The following SLC43A2 variants were observed in gnomAD, a reference collection of about 807,000 sequenced individuals.
The protein encoded by SLC43A2 is solute carrier family 43 member 2.
Under a neutral mutation model 63.2 loss-of-function variants are expected in SLC43A2, and 38 were observed. The observed-to-expected ratio is 0.60, with a 90% CI of 0.46 to 0.79. The LOEUF is 0.79. SLC43A2 is among the 30% of genes least tolerant of loss of function. SLC43A2 has a pLI of 0.00. For synonymous variants in SLC43A2, 322 were observed against 331.0 expected (o/e 0.97, Z 0.30); for missense variants, 644 against 756.2 (o/e 0.85, Z 1.74).
intron 2 of SLC43A2, among the ~76,000 whole-genome samples, chr17:1,624,721 T>C (rs1165327154): frequency 6.6e-6 from 1 of 152,010 alleles, no homozygotes; most frequent in African/African-American, 2.4e-5. Flanking sequence ...CGAGACCCTG[T>C]CTCTACAAAA....
chr17:1,620,429 C>T (rs924702241), intron 2 of SLC43A2, among the ~76,000 whole-genome samples: 9 of 152,158 alleles, frequency 5.9e-5, no homozygotes, highest in African/African-American at 2.2e-4. Context: ...ACCCCTTTAA[C>T]CACATAGGGA....
At position 1,583,184 on chromosome 17, in the gene SLC43A2, C is replaced by T; in HGVS notation, c.1350+20G>A. 1 of 1,611,218 alleles carries T rather than the reference C, an allele frequency of 6.2e-7. No homozygotes were observed. Among genetic ancestry groups the T allele is most frequent in the Non-Finnish European group, 8.5e-7 (1 of 1,177,588 alleles). On this transcript the variant is annotated intron_variant, in intron 11 of 13. Coordinates refer to ENST00000301335, the MANE Select transcript of SLC43A2 (RefSeq NM_152346.3). The surrounding 1 kb of genome is among the most constrained non-coding windows in gnomAD (Gnocchi z 5.5). ...TGACTGCCCCACCTCCCACCTGCCC[C>T]TCCCACTCCCCACACCCACCTGGAG...
chr17:1,577,368 C>T lies in SLC43A2; in HGVS notation c.1425-648G>A, dbSNP rs1437724842. Among the ~76,000 whole-genome samples, 1 of 152,292 alleles carries T rather than the reference C, an allele frequency of 6.6e-6. No homozygotes were observed. Among genetic ancestry groups the T allele is most frequent in the East Asian group, 1.9e-4 (1 of 5,176 alleles). On this transcript the variant is annotated intron_variant, in intron 12 of 13. Transcript: ENST00000301335. The surrounding 1 kb of genome is among the most constrained non-coding windows in gnomAD (Gnocchi z 4.9). ...GCTGGGCTTGGCTCTGCAGTGCCCTCGTCCAGAGAAGCATTGAGTAATCGC... is the reference window on the plus strand; with the variant it reads ...GCTGGGCTTGGCTCTGCAGTGCCCTTGTCCAGAGAAGCATTGAGTAATCGC...
intron 9 of SLC43A2, chr17:1,587,099 G>GCACCGCGTTTCCCA: frequency 9.7e-7 from 1 of 1,030,944 alleles, no homozygotes; most frequent in Non-Finnish European, 1.4e-6. Flanking sequence ...TGCGTTTCCC[G>GCACCGCGTTTCCCA]CACTGCATTT....
Position 1,572,854 on chromosome 17 carries a change from A to C in SLC43A2, c.*2750T>G, listed in dbSNP as rs1476417102. ...GGGACTGGGCACTGCTGGGGACAGC[A>C]CGGGCCACGTCTTCCCCATCTCAAG... On this transcript the variant is annotated 3_prime_UTR_variant, in exon 14 of 14. Transcript: ENST00000301335. 1 of 152,230 alleles carries C rather than the reference A, an allele frequency of 6.6e-6. No individual in the cohort carries two copies. The highest frequency in any genetic ancestry group is 1.5e-5 in the Non-Finnish European group (1 of 68,088). 9.4% of individuals were successfully genotyped at this position (152,230 alleles called of 1,614,324 possible).
chr17:1,604,582 C>G lies in SLC43A2; in HGVS notation c.501+8613G>C, dbSNP rs375103838. ...GTGTAGACATCTCATCAACACAGCA[C>G]GCTATTGTGCAGAACTCCTGGGCTC... On this transcript the variant is annotated intron_variant, in intron 5 of 13. Coordinates refer to ENST00000301335, the MANE Select transcript of SLC43A2 (RefSeq NM_152346.3). 1,022 of 727,734 alleles carry G rather than the reference C, an allele frequency of 1.4e-3. 2 individuals carry two copies. Among genetic ancestry groups the G allele is most frequent in the Non-Finnish European group, 2.1e-3 (907 of 440,670 alleles). The allele number at this position is 727,734 out of a possible 1,614,324, so 45.1% of individuals were successfully genotyped here. A position where few individuals can be genotyped will look rare whatever the true frequency, so the allele number is the denominator to read the frequency against.
chr17:1,627,582 C>T lies in SLC43A2; in HGVS notation c.160+133G>A, dbSNP rs1908769845. 3 of 880,788 alleles carry T rather than the reference C, an allele frequency of 3.4e-6. No homozygotes were observed. In the South Asian group the frequency reaches 5.9e-5, roughly 17 times the overall value. The allele number at this position is 880,788 out of a possible 1,614,324, so 54.6% of individuals were successfully genotyped here. On this transcript the variant is annotated intron_variant, in intron 2 of 13. Coordinates refer to ENST00000301335, the MANE Select transcript of SLC43A2 (RefSeq NM_152346.3). ...GTACCCGGCAGGGCTGGGTGAGGAT[C>T]AGATGGGCCTTCTGATACCCTAGAG...
Position 1,573,539 on chromosome 17 carries a change from A to T in SLC43A2, c.*2065T>A, listed in dbSNP as rs759869673. 1 of 152,250 alleles carries T rather than the reference A, an allele frequency of 6.6e-6. No individual in the cohort carries two copies. Among genetic ancestry groups the T allele is most frequent in the East Asian group, 1.9e-4 (1 of 5,202 alleles). The allele number at this position is 152,250 out of a possible 1,614,324, so 9.4% of individuals were successfully genotyped here. ...AACTCAGCCTTTCCCAAACTTGACTATAATACTTTCTTGAAAATCAGAATA... is the reference window on the plus strand; with the variant it reads ...AACTCAGCCTTTCCCAAACTTGACTTTAATACTTTCTTGAAAATCAGAATA... On this transcript the variant is annotated 3_prime_UTR_variant, in exon 14 of 14. Transcript: ENST00000301335.
intron 2 of SLC43A2, among the ~76,000 whole-genome samples, chr17:1,627,354 C>T (rs988728562): frequency 6.6e-6 from 1 of 152,158 alleles, no homozygotes; most frequent in Admixed American, 6.5e-5. Flanking sequence ...AAGCAGACAG[C>T]AACATGTTTA....
At chr17:1,581,051 T>G (rs770552687) in intron 11 of SLC43A2, among the ~76,000 whole-genome samples, 2 of 152,010 alleles carry the variant, frequency 1.3e-5, no homozygotes, top group Non-Finnish European at 2.9e-5. Context: ...TTAAGAGCCA[T>G]CCTCTTGGCC....
intron 5 of SLC43A2, among the ~76,000 whole-genome samples, chr17:1,610,515 C>T (rs1054261441): frequency 4.0e-5 from 6 of 150,024 alleles, no homozygotes; most frequent in Admixed American, 1.3e-4. Flanking sequence ...ATGATCCTCC[C>T]ACCTTAGCCT....
intron 2 of SLC43A2, among the ~76,000 whole-genome samples, chr17:1,617,507 C>T (rs1267543654): frequency 6.6e-6 from 1 of 152,158 alleles, no homozygotes. Context: ...TCTCCTGCCT[C>T]AGCCTCCCGA....
At position 1,591,428 on chromosome 17, in the gene SLC43A2, T is replaced by C. The variant is rs745563961; in HGVS notation, c.772A>G (p.Thr258Ala). ...ACCTGCTTGTAGAACTGCTTCCCTG[T>C]GATCTTGTGGTCAAAGCCCAGCCAG... ...FSWLGFDHKITGKQFYKQVTT... is the reference protein window; with the variant it reads ...FSWLGFDHKIAGKQFYKQVTT... The change falls in exon 8 of 14, where the codon ACA becomes GCA. Residue 258 changes from threonine (T) to alanine (A), a missense_variant. Thr to Ala is a moderately conservative substitution (Grantham distance 58, BLOSUM62 0). Around this residue, in one of 3 missense-constraint regions of SLC43A2, gnomAD observed 528 missense variants for 623.6 expected, o/e 0.85. Transcript: ENST00000301335. 5 of 1,613,272 alleles carry C rather than the reference T, an allele frequency of 3.1e-6. No individual in the cohort carries two copies. The highest frequency in any genetic ancestry group is 4.2e-6 in the Non-Finnish European group (5 of 1,179,936).
At chr17:1,626,172 CTTT>C (rs35737749) in intron 2 of SLC43A2, among the ~76,000 whole-genome samples, 3 of 134,550 alleles carry the variant, frequency 2.2e-5, no homozygotes, top group Admixed American at 7.6e-5. Flanking sequence ...TTTTTTTCTG[CTTT>C]TTTTTTTTTT....
At chr17:1,610,415 A>G (rs927305948) in intron 5 of SLC43A2, among the ~76,000 whole-genome samples, 3 of 145,096 alleles carry the variant, frequency 2.1e-5, no homozygotes, top group Non-Finnish European at 4.5e-5. Context: ...AGCAACTGCC[A>G]CCATGCCCTG....
rs2075828993 is a variant in SLC43A2, at chr17:1,570,369, T to C, written c.*5235A>G. 6.6e-6 allele frequency: 1 copy of C among 152,074 alleles called. No homozygotes were observed. Among genetic ancestry groups the C allele is most frequent in the Non-Finnish European group, 1.5e-5 (1 of 68,074 alleles). The allele number at this position is 152,074 out of a possible 1,614,324, so 9.4% of individuals were successfully genotyped here. The stretch of plus-strand genomic sequence containing the variant: ...TACTTTCTTGACTTGGCCACAAGTC[T>C]GTCCTGCTCAGAGCTGCTGAAAGTG... On this transcript the variant is annotated 3_prime_UTR_variant, in exon 14 of 14. Coordinates refer to ENST00000301335, the MANE Select transcript of SLC43A2 (RefSeq NM_152346.3).
intron 2 of SLC43A2, among the ~76,000 whole-genome samples, chr17:1,621,424 ATCTCCCGTC>A (rs1458502647): frequency 6.6e-6 from 1 of 152,126 alleles, no homozygotes; most frequent in Non-Finnish European, 1.5e-5. Flanking sequence ...CCTGCCCAGG[ATCTCCCGTC>A]TCTCAAATCC....
At chr17:1,611,591 C>A (rs62088022) in intron 5 of SLC43A2, among the ~76,000 whole-genome samples, 27,822 of 149,320 alleles carry the variant, frequency 0.19, 2,636 homozygotes, top group South Asian at 0.24. Context: ...GCCAAGATTG[C>A]GTCACTGCAC....
At position 1,593,869 on chromosome 17, in the gene SLC43A2, T is replaced by C. The variant is rs1308111760; in HGVS notation, c.502-590A>G. Among the ~76,000 whole-genome samples the C allele has an allele frequency of 6.6e-6, 1 of 152,094 alleles. No homozygotes were observed. Among genetic ancestry groups the C allele is most frequent in the Non-Finnish European group, 1.5e-5 (1 of 68,014 alleles). ...TTTTCTTTGTTTTGAGATGGGGTTT[T>C]GCTCTTGTTCCCCAGGCTGGAGCGC... On this transcript the variant is annotated intron_variant, in intron 5 of 13. Coordinates refer to ENST00000301335, the MANE Select transcript of SLC43A2 (RefSeq NM_152346.3). The surrounding 1 kb of genome is among the most constrained non-coding windows in gnomAD (Gnocchi z 5.3).
Sources: gnomAD v4.1 joint callset for allele counts (sites outside exome capture counted in the v4.1 genomes callset) on GRCh38, gnomAD v4.1.1 for gene constraint, gnomAD v4.1.1 regional missense constraint, Gnocchi (gnomAD v3.1) non-coding constraint, MANE v1.5 for transcripts, NCBI Gene and HGNC (gene_info 2026-07-23, HGNC 2026-07-21) for gene names.